Variants in RREB1 observed in about 807,000 individuals in gnomAD.
The protein encoded by RREB1 is ras-responsive element-binding protein 1.
In RREB1, 27 loss-of-function variants were observed where a neutral mutation model predicts 117.8. The observed-to-expected ratio is 0.23, with a 90% CI of 0.17 to 0.32. RREB1 has a LOEUF of 0.32. Ranked by LOEUF, RREB1 falls within the 10% of genes least tolerant of loss-of-function variation. The pLI, the probability that RREB1 is intolerant of heterozygous loss-of-function variation, is 1.00. For synonymous variants in RREB1, 1,298 were observed against 1,026.7 expected, an observed-to-expected ratio of 1.26 and a Z score of -5.05; for missense variants, 2,577 against 2,378.2, an observed-to-expected ratio of 1.08 and a Z score of -1.74.
intron 6 of RREB1, among the ~76,000 whole-genome samples, chr6:7,210,450 G>A (rs1766519089): frequency 6.6e-6 from 1 of 152,126 alleles, no homozygotes; most frequent in African/African-American, 2.4e-5. Context: ...TAGGTATCTG[G>A]GAATTCTTTA....
intron 1 of RREB1, among the ~76,000 whole-genome samples, chr6:7,121,623 G>T (rs1000219313): frequency 1.3e-5 from 2 of 152,126 alleles, no homozygotes; most frequent in African/African-American, 4.8e-5. Context: ...CAAAGGAGAA[G>T]ATTTATTTGA....
intron 1 of RREB1, among the ~76,000 whole-genome samples, chr6:7,143,712 TACAGCCTCTGA>T (rs1203373540): frequency 1.3e-5 from 2 of 152,338 alleles, no homozygotes; most frequent in East Asian, 1.9e-4. Flanking sequence ...GTGCAGACTT[TACAGCCTCTGA>T]ACAGCCTCTG....
chr6:7,223,694 A>C (rs181564312), intron 8 of RREB1, among the ~76,000 whole-genome samples: 1 of 152,198 alleles, frequency 6.6e-6, no homozygotes, highest in Non-Finnish European at 1.5e-5. Context: ...GCAAATACAT[A>C]TGTACATAAA....
At position 7,246,433 on chromosome 6, in the gene RREB1, C is replaced by G. The variant is rs1487640304; in HGVS notation, c.3983C>G (p.Ser1328Trp). 3 of 1,486,716 alleles carry G rather than the reference C, an allele frequency of 2.0e-6. No individual in the cohort carries two copies. Among genetic ancestry groups the G allele is most frequent in the Non-Finnish European group, 2.7e-6 (3 of 1,114,420 alleles). 92.1% of individuals were successfully genotyped at this position (1,486,716 alleles called of 1,614,324 possible). ...TGTGCTTGCCCCACAGACAGTCAGT[C>G]GGATGCGGAGACTGCAGCCGCCGCG... Reference protein sequence around the residue: ...VGSHDSTDSQSDAETAAAAGE... With the variant: ...VGSHDSTDSQWDAETAAAAGE... The change falls in exon 12 of 13, where the codon TCG becomes TGG. Residue 1328 changes from serine to tryptophan, a missense_variant. By Grantham distance (177) the Ser-to-Trp change is radical (BLOSUM62 -3). Coordinates refer to ENST00000379938, the MANE Select transcript of RREB1 (RefSeq NM_001003699.4).
At position 7,249,197 on chromosome 6, in the gene RREB1, C is replaced by A; in HGVS notation, c.*229C>A. Reference sequence around the variant, plus strand: ...CGTGCCGATTCCAGTGCCTTAACTACTTACCGGATCCCTCCATATTATCAT... The same window carrying A: ...CGTGCCGATTCCAGTGCCTTAACTAATTACCGGATCCCTCCATATTATCAT... On this transcript the variant is annotated 3_prime_UTR_variant, in exon 13 of 13. Transcript: ENST00000379938. The A allele has an allele frequency of 2.1e-6, 1 of 487,126 alleles. No homozygotes were observed. The allele number at this position is 487,126 out of a possible 1,614,324, so 30.2% of individuals were successfully genotyped here. A position where few individuals can be genotyped will look rare whatever the true frequency, so the allele number is the denominator to read the frequency against.
chr6:7,230,478 G>A lies in RREB1; in HGVS notation c.2379G>A (p.Lys793=), dbSNP rs1230370757. 3 of 1,594,480 alleles carry A rather than the reference G, an allele frequency of 1.9e-6. No homozygotes were observed. Among genetic ancestry groups the A allele is most frequent in the Middle Eastern group, 1.7e-4 (1 of 6,048 alleles). The change falls in exon 10 of 13, where the codon AAG becomes AAA. Residue 793 remains lysine (K), a synonymous_variant. Transcript: ENST00000379938. The part of the protein sequence containing the change: ...GHKGRKPFEC[K]ECSAAFAAKR... Reference sequence around the variant, plus strand: ...AGGGCCGCAAGCCCTTCGAGTGCAAGGAGTGCAGCGCCGCGTTCGCGGCCA... The same window carrying A: ...AGGGCCGCAAGCCCTTCGAGTGCAAAGAGTGCAGCGCCGCGTTCGCGGCCA...
In RREB1 at chr6:7,229,407, C is replaced by T; in HGVS notation, c.1308C>T (p.His436=). ...VLPATKDSIK[H]LSLQPFQKGF... ...CCGCGACCAAGGACAGCATAAAGCACCTGTCCCTGCAGCCCTTCCAGAAGG... is the reference window on the plus strand; with the variant it reads ...CCGCGACCAAGGACAGCATAAAGCATCTGTCCCTGCAGCCCTTCCAGAAGG... The change falls in exon 10 of 13, where the codon CAC becomes CAT. Residue 436 remains histidine, a synonymous_variant. Coordinates refer to ENST00000379938, the MANE Select transcript of RREB1 (RefSeq NM_001003699.4). The surrounding 1 kb of genome is among the most constrained non-coding windows in gnomAD (Gnocchi z 4.5). 1 of 1,614,174 alleles carries T rather than the reference C, an allele frequency of 6.2e-7. No individual in the cohort carries two copies. The highest frequency in any genetic ancestry group is 8.5e-7 in the Non-Finnish European group (1 of 1,179,994).
At chr6:7,113,549 G>A (rs1467839882) in intron 1 of RREB1, among the ~76,000 whole-genome samples, 1 of 152,160 alleles carries the variant, frequency 6.6e-6, no homozygotes, top group Non-Finnish European at 1.5e-5. Context: ...TGGGTATGTT[G>A]ACCCATTTTA....
chr6:7,216,711 A>G (rs1298517727), intron 8 of RREB1: 2 of 152,186 alleles, frequency 1.3e-5, no homozygotes, highest in Admixed American at 1.3e-4. Context: ...AAGATAAAAT[A>G]TTTGTCAGCA....
At chr6:7,222,800 G>GAA (rs58702073) in intron 8 of RREB1, among the ~76,000 whole-genome samples, 2 of 149,872 alleles carry the variant, frequency 1.3e-5, no homozygotes, top group Admixed American at 6.6e-5. Context: ...CCTCAAAAAA[G>GAA]AAAAAAAAAT....
intron 8 of RREB1, among the ~76,000 whole-genome samples, chr6:7,225,532 A>G (rs140829351): frequency 6.6e-6 from 1 of 152,318 alleles, no homozygotes; most frequent in African/African-American, 2.4e-5. Context: ...GACCTAGAAG[A>G]CAATACTGGT....
rs1043082619 is a variant in RREB1, at chr6:7,120,796, G to A, written c.-285+12736G>A. ...TGAGTAGCTGGGGCTACAGGTGTGC[G>A]CCACCACGCTTGGCTAATTTTTTTT... On this transcript the variant is annotated intron_variant, in intron 1 of 12. Transcript: ENST00000379938. Among the ~76,000 whole-genome samples the A allele has an allele frequency of 1.0e-4, 15 of 149,516 alleles. No individual in the cohort carries two copies. In the South Asian group the frequency reaches 2.8e-3, roughly 28 times the overall value.
chr6:7,207,313 G>A (rs1369648199), intron 6 of RREB1, among the ~76,000 whole-genome samples: 2 of 152,266 alleles, frequency 1.3e-5, no homozygotes, highest in East Asian at 1.9e-4. Context: ...TTTGCAGAAA[G>A]GCAGTCACTC....
chr6:7,119,711 A>G (rs1462257641), intron 1 of RREB1, among the ~76,000 whole-genome samples: 6 of 152,208 alleles, frequency 3.9e-5, no homozygotes, highest in African/African-American at 1.4e-4. Context: ...GGAAGCTACG[A>G]AAAGTGTTAG....
chr6:7,123,573 C>G (rs924070443), intron 1 of RREB1, among the ~76,000 whole-genome samples: 12 of 149,446 alleles, frequency 8.0e-5, no homozygotes, highest in Non-Finnish European at 1.5e-5. Context: ...CAGAGAAGTT[C>G]AGAGTGGCAT....
intron 1 of RREB1, among the ~76,000 whole-genome samples, chr6:7,130,237 A>G (rs1762093817): frequency 6.6e-6 from 1 of 151,918 alleles, no homozygotes; most frequent in Non-Finnish European, 1.5e-5. Flanking sequence ...CATAGCCAAC[A>G]CTCCTTCCTC....
chr6:7,191,823 C>T (rs1321535646), intron 6 of RREB1, among the ~76,000 whole-genome samples: 1 of 152,110 alleles, frequency 6.6e-6, no homozygotes, highest in Non-Finnish European at 1.5e-5. Context: ...CTCATTTATT[C>T]ATTCTAGTAG....
chr6:7,210,542 T>C (rs1766523070), intron 6 of RREB1, among the ~76,000 whole-genome samples: 1 of 152,236 alleles, frequency 6.6e-6, no homozygotes, highest in Non-Finnish European at 1.5e-5. Flanking sequence ...TTTCATCTTG[T>C]TAATGTCAGT....
chr6:7,214,822 C>CA (rs1766810979), intron 8 of RREB1: 1 of 152,348 alleles, frequency 6.6e-6, no homozygotes, highest in South Asian at 2.1e-4. Flanking sequence ...CACTCCCCAC[C>CA]AACACTGGCA....
Sources: allele counts gnomAD v4.1 joint callset (sites outside exome capture counted in the v4.1 genomes callset), GRCh38; gene constraint gnomAD v4.1.1; non-coding constraint Gnocchi (gnomAD v3.1); transcripts MANE v1.5; gene names NCBI Gene and HGNC (gene_info 2026-07-23, HGNC 2026-07-21).